The following PTPRT variants were observed in gnomAD, a reference collection of about 807,000 sequenced individuals.
The protein encoded by PTPRT is protein tyrosine phosphatase receptor type T.
A neutral mutation model predicts 176.8 loss-of-function variants in PTPRT; 56 were observed. The ratio of observed to expected loss-of-function variants is 0.32; its 90% CI spans 0.26 to 0.40. PTPRT has a LOEUF of 0.40. PTPRT is among the 10% of genes least tolerant of loss of function. PTPRT has a pLI of 1.00. For synonymous variants in PTPRT, 783 were observed against 739.0 expected (o/e 1.06, Z -0.96); for missense variants, 1,540 against 1,908.2 (o/e 0.81, Z 3.60).
chr20:43,144,084 C>T (rs909334816), intron 1 of PTPRT, among the ~76,000 whole-genome samples: 8 of 152,120 alleles, frequency 5.3e-5, no homozygotes, highest in African/African-American at 1.2e-4. Flanking sequence ...AGGCTGCCCT[C>T]GGCCCTTCTC....
At chr20:42,685,678 CTAGATT>C (rs1371339693) in intron 6 of PTPRT, 1 of 152,148 alleles carries the variant, frequency 6.6e-6, no homozygotes, top group African/African-American at 2.4e-5. Flanking sequence ...CTTAAAACAT[CTAGATT>C]TAAATACATG....
At chr20:42,567,418 C>A (rs1477434860) in intron 7 of PTPRT, among the ~76,000 whole-genome samples, 2 of 152,194 alleles carry the variant, frequency 1.3e-5, no homozygotes, top group Non-Finnish European at 2.9e-5. Context: ...ACCTGTAAAG[C>A]TCCTAGTCAC....
intron 9 of PTPRT, among the ~76,000 whole-genome samples, chr20:42,438,566 A>G (rs1457402768): frequency 6.6e-6 from 1 of 152,220 alleles, no homozygotes; most frequent in African/African-American, 2.4e-5. Flanking sequence ...CAGACATGCC[A>G]CCAAACATAC....
At chr20:42,360,909 G>A (rs2058423536) in intron 9 of PTPRT, among the ~76,000 whole-genome samples, 1 of 152,152 alleles carries the variant, frequency 6.6e-6, no homozygotes, top group South Asian at 2.1e-4. Flanking sequence ...CACCCAGCTT[G>A]GCATAGAGAA....
intron 15 of PTPRT, 52 bp from the exon 16 acceptor site, chr20:42,199,440 A>G: frequency 6.3e-7 from 1 of 1,585,532 alleles, no homozygotes; most frequent in Admixed American, 1.7e-5. Context: ...TGCCAGTTGC[A>G]TTAAAGCATT....
intron 3 of PTPRT, among the ~76,000 whole-genome samples, chr20:42,783,238 A>G (rs1475467522): frequency 2.0e-5 from 3 of 152,228 alleles, no homozygotes; most frequent in Non-Finnish European, 2.9e-5. Context: ...CTATGGTGTC[A>G]AGTGTGCTTT....
chr20:42,389,852 CAAAAAAAA>C (rs769093573), intron 9 of PTPRT, among the ~76,000 whole-genome samples: 1 of 127,202 alleles, frequency 7.9e-6, no homozygotes, highest in Non-Finnish European at 1.7e-5. Flanking sequence ...AAAACCCTGT[CAAAAAAAA>C]AAAAAAAAAG....
At chr20:42,699,632 T>C (rs1222928488) in intron 6 of PTPRT, among the ~76,000 whole-genome samples, 1 of 152,124 alleles carries the variant, frequency 6.6e-6, no homozygotes, top group African/African-American at 2.4e-5. Flanking sequence ...GACTTTAGTG[T>C]GGGAAACTCA....
intron 8 of PTPRT, among the ~76,000 whole-genome samples, chr20:42,462,160 T>C (rs2071032310): frequency 6.6e-6 from 1 of 152,162 alleles, no homozygotes; most frequent in African/African-American, 2.4e-5. Flanking sequence ...TTTCTTTGAA[T>C]GGTTTCAGTT....
chr20:42,799,628 G>A (rs557041489), intron 2 of PTPRT, among the ~76,000 whole-genome samples: 7 of 152,258 alleles, frequency 4.6e-5, no homozygotes, highest in South Asian at 4.1e-4. Context: ...GGTCTTGACC[G>A]ATTTGCTCTT....
intron 7 of PTPRT, among the ~76,000 whole-genome samples, chr20:42,503,941 T>C (rs552721647): frequency 2.1e-4 from 32 of 152,262 alleles, no homozygotes; most frequent in Non-Finnish European, 3.7e-4. Context: ...GGTCACCTTA[T>C]GAGGGAATCC....
chr20:42,540,091 A>T (rs904806113), intron 7 of PTPRT, among the ~76,000 whole-genome samples: 2 of 152,210 alleles, frequency 1.3e-5, no homozygotes, highest in Admixed American at 6.5e-5. Flanking sequence ...ATTAATCCAC[A>T]TTAAGGTAGA....
chr20:42,504,800 T>C (rs2145429484), intron 7 of PTPRT, among the ~76,000 whole-genome samples: 1 of 152,328 alleles, frequency 6.6e-6, no homozygotes, highest in Non-Finnish European at 1.5e-5. Flanking sequence ...CTTTTTAAAA[T>C]GCCCTTTCCT....
chr20:42,574,696 A>C (rs2073224850), intron 7 of PTPRT, among the ~76,000 whole-genome samples: 1 of 152,120 alleles, frequency 6.6e-6, no homozygotes. Context: ...GGTTGGGCGA[A>C]GAAAGGTGAT....
At chr20:43,033,099 G>C (rs1184466691) in intron 1 of PTPRT, among the ~76,000 whole-genome samples, 1 of 152,180 alleles carries the variant, frequency 6.6e-6, no homozygotes, top group Non-Finnish European at 1.5e-5. Flanking sequence ...TCACAATAGA[G>C]GACTTTTTTG....
intron 1 of PTPRT, among the ~76,000 whole-genome samples, chr20:43,087,400 G>A (rs2011642346): frequency 7.5e-6 from 1 of 132,616 alleles, no homozygotes; most frequent in African/African-American, 2.8e-5. Context: ...TCCGAAACAG[G>A]GTCGCCCAGG....
chr20:42,510,462 A>T (rs1449545250), intron 7 of PTPRT, among the ~76,000 whole-genome samples: 3 of 152,048 alleles, frequency 2.0e-5, no homozygotes, highest in East Asian at 1.9e-4. Flanking sequence ...TGTGTTTTTT[A>T]AAAAAGGAGC....
intron 9 of PTPRT, among the ~76,000 whole-genome samples, chr20:42,376,819 T>C (rs1290458652): frequency 2.0e-5 from 3 of 151,942 alleles, no homozygotes; most frequent in Non-Finnish European, 4.4e-5. Context: ...ATCGAGTCTA[T>C]AGTGGGGGAG....
rs187917242 is a variant in PTPRT at position 42,438,673 on chromosome 20, A to G, written c.1560+9547T>C. Among the ~76,000 whole-genome samples, 5 of 152,278 alleles carry G rather than the reference A, an allele frequency of 3.3e-5. No homozygotes were observed. In the East Asian group the frequency reaches 9.7e-4, roughly 29 times the overall value. The stretch of plus-strand genomic sequence containing the variant: ...CCCCAAGACAAGCATACTTATTCAC[A>G]TGTGCGCAGTGCAGGAATATTTTTC... On this transcript the variant is annotated intron_variant, in intron 9 of 30. Transcript: ENST00000373187.
Sources: gnomAD v4.1 joint callset for allele counts (sites outside exome capture counted in the v4.1 genomes callset) on GRCh38, gnomAD v4.1.1 for gene constraint, MANE v1.5 for transcripts, NCBI Gene and HGNC (gene_info 2026-07-23, HGNC 2026-07-21) for gene names.